The following MYO1D variants were observed in gnomAD, a reference collection of about 807,000 sequenced individuals.
MYO1D encodes unconventional myosin-Id.
In MYO1D, 83 loss-of-function variants were observed where a neutral mutation model predicts 122.0. The observed-to-expected ratio is 0.68, with a 90% confidence interval of 0.57 to 0.82. MYO1D has a LOEUF of 0.82. Ranked by LOEUF, MYO1D falls within the 40% of genes least tolerant of loss-of-function variation. The pLI is 0.00. For synonymous variants in MYO1D, 464 were observed against 446.9 expected (o/e 1.04, Z -0.48); for missense variants, 1,157 against 1,269.5 (o/e 0.91, Z 1.35).
intron 16 of MYO1D, among the ~76,000 whole-genome samples, chr17:32,691,979 C>A (rs1253025268): frequency 1.3e-5 from 2 of 152,116 alleles, no homozygotes; most frequent in East Asian, 1.9e-4. Context: ...CTTCTGTGGT[C>A]TGAGTGTCCA....
Position 32,605,191 on chromosome 17 carries a change from A to G in MYO1D, c.2760T>C (p.His920=), listed in dbSNP as rs1290574464. ...CAATGAGGTCTTTGTTGTCTTTCGT[A>G]TGGAACACTACAAGTTGGTCCTTTC... ...SNGKDQLVVF[H]TKDNKDLIVC... is the part of the protein sequence containing the mutation. Residue 920 remains histidine, a synonymous_variant, in exon 21 of 22, where the codon CAT becomes CAC. Coordinates refer to ENST00000318217, the MANE Select transcript of MYO1D (RefSeq NM_015194.3). 3.7e-6 allele frequency: 6 copies of G among 1,608,570 alleles called. No homozygotes were observed. The highest frequency in any genetic ancestry group is 2.2e-5 in the South Asian group (2 of 90,434).
rs1908939603 is a variant in MYO1D, at chr17:32,492,972, T to G, written c.*1787A>C. On this transcript the variant is annotated 3_prime_UTR_variant, in exon 22 of 22. Coordinates refer to ENST00000318217, the MANE Select transcript of MYO1D (RefSeq NM_015194.3). ...AGAACCCAAACCCAGGCCCTCCTCC[T>G]GCCCTCCAGCCTTTGACAGGCAACT... The G allele has an allele frequency of 6.5e-6, 1 of 152,690 alleles. No homozygotes were observed. Among genetic ancestry groups the G allele is most frequent in the African/African-American group, 2.4e-5 (1 of 41,472 alleles). The allele number at this position is 152,690 out of a possible 1,614,324, so 9.5% of individuals were successfully genotyped here. A position where few individuals can be genotyped will look rare whatever the true frequency, so the allele number is the denominator to read the frequency against.
rs567550723 is a variant in MYO1D at position 32,493,818 on chromosome 17, C to G, written c.*941G>C. 2.6e-5 allele frequency: 4 copies of G among 152,506 alleles called. No individual in the cohort carries two copies. Among genetic ancestry groups the G allele is most frequent in the Non-Finnish European group, 5.9e-5 (4 of 68,152 alleles). The allele number at this position is 152,506 out of a possible 1,614,324, so 9.4% of individuals were successfully genotyped here. On this transcript the variant is annotated 3_prime_UTR_variant, in exon 22 of 22. Coordinates refer to ENST00000318217, the MANE Select transcript of MYO1D (RefSeq NM_015194.3). ...CCCCGCTTCCTGCTTCCCGTCATCC[C>G]GTGTCTTGACCCCGCCCTTGCTGTT...
At chr17:32,711,204 G>A (rs1410570727) in intron 16 of MYO1D, among the ~76,000 whole-genome samples, 1 of 152,186 alleles carries the variant, frequency 6.6e-6, no homozygotes, top group Non-Finnish European at 1.5e-5. Flanking sequence ...ATGAGAAGGG[G>A]CCTTGCACAG....
At chr17:32,659,437 G>T in intron 16 of MYO1D, 99 bp from the exon 17 acceptor site, 2 of 1,245,332 alleles carry the variant, frequency 1.6e-6, no homozygotes, top group Non-Finnish European at 2.3e-6. Flanking sequence ...ACTCAACCAG[G>T]CAACTTGCAA....
chr17:32,735,719 T>C (rs1187267547), intron 14 of MYO1D, among the ~76,000 whole-genome samples: 3 of 152,172 alleles, frequency 2.0e-5, no homozygotes, highest in Non-Finnish European at 2.9e-5. Flanking sequence ...TTTATAGAAT[T>C]TACAAGAAGT....
At chr17:32,536,184 G>C (rs1398525591) in intron 21 of MYO1D, among the ~76,000 whole-genome samples, 1 of 152,024 alleles carries the variant, frequency 6.6e-6, no homozygotes, top group East Asian at 1.9e-4. Flanking sequence ...ACAGGTGCAA[G>C]CCATCACACC....
At chr17:32,508,421 G>A (rs755983219) in intron 21 of MYO1D, among the ~76,000 whole-genome samples, 31 of 151,832 alleles carry the variant, frequency 2.0e-4, no homozygotes, top group East Asian at 5.8e-4. Context: ...ATTAACAGGC[G>A]CACACCACCA....
At chr17:32,827,267 A>C (rs1046648446) in intron 1 of MYO1D, among the ~76,000 whole-genome samples, 1 of 152,234 alleles carries the variant, frequency 6.6e-6, no homozygotes, top group Non-Finnish European at 1.5e-5. Flanking sequence ...GAACATTATA[A>C]TAAGTCATAT....
intron 16 of MYO1D, among the ~76,000 whole-genome samples, chr17:32,679,027 T>C (rs1217265499): frequency 6.6e-6 from 1 of 150,626 alleles, no homozygotes; most frequent in African/African-American, 2.5e-5. Flanking sequence ...GAGCATTTTT[T>C]CATGTGTTTT....
At position 32,696,372 on chromosome 17, in the gene MYO1D, G is replaced by GA. The variant is rs375294993; in HGVS notation, c.2121+15615dup. On this transcript the variant is annotated intron_variant, in intron 16 of 21. Coordinates refer to ENST00000318217, the MANE Select transcript of MYO1D (RefSeq NM_015194.3). The stretch of plus-strand genomic sequence containing the variant: ...AATTTTAAAAACATTATTCTGAGTG[G>GA]AAAAAAAAACAACTTGCAGAAGACT... Among the ~76,000 whole-genome samples, 875 of 148,728 alleles carry GA rather than the reference G, an allele frequency of 5.9e-3. 8 individuals carry two copies. The highest frequency in any genetic ancestry group is 0.02 in the African/African-American group (821 of 40,588).
chr17:32,638,481 A>C (rs917154858), intron 20 of MYO1D, among the ~76,000 whole-genome samples: 14 of 152,392 alleles, frequency 9.2e-5, no homozygotes, highest in South Asian at 6.2e-4. Context: ...TCAGGAATAG[A>C]GAAAGATCAC....
intron 21 of MYO1D, among the ~76,000 whole-genome samples, chr17:32,545,380 G>A (rs1169563109): frequency 6.6e-6 from 1 of 152,150 alleles, no homozygotes; most frequent in African/African-American, 2.4e-5. Context: ...AGTAAACAGT[G>A]GCATATTATT....
At chr17:32,781,038 T>G (rs2090231609) in intron 1 of MYO1D, among the ~76,000 whole-genome samples, 1 of 152,212 alleles carries the variant, frequency 6.6e-6, no homozygotes, top group Non-Finnish European at 1.5e-5. Flanking sequence ...AGGCTGGGAT[T>G]TCCTGTTTCC....
At chr17:32,873,370 G>A (rs1358490262) in intron 1 of MYO1D, among the ~76,000 whole-genome samples, 2 of 152,178 alleles carry the variant, frequency 1.3e-5, no homozygotes, top group African/African-American at 4.8e-5. Flanking sequence ...ATTCCAGACT[G>A]GGGAGTAAGA....
At chr17:32,586,647 T>C (rs1054175916) in intron 21 of MYO1D, among the ~76,000 whole-genome samples, 4 of 152,354 alleles carry the variant, frequency 2.6e-5, no homozygotes, top group Admixed American at 2.6e-4. Context: ...GGTTGCTTTT[T>C]CCCTTCTAAG....
intron 21 of MYO1D, among the ~76,000 whole-genome samples, chr17:32,595,883 G>A (rs1218887639): frequency 6.6e-6 from 1 of 152,156 alleles, no homozygotes; most frequent in African/African-American, 2.4e-5. Context: ...GTGGGACAGG[G>A]TGAATTGCTA....
intron 1 of MYO1D, among the ~76,000 whole-genome samples, chr17:32,859,542 G>A (rs1319443965): frequency 1.3e-5 from 2 of 152,148 alleles, no homozygotes; most frequent in Admixed American, 1.3e-4. Context: ...TCTTCAGGAG[G>A]AAGAGAAGAA....
At chr17:32,856,990 C>T (rs2091032408) in intron 1 of MYO1D, among the ~76,000 whole-genome samples, 1 of 152,182 alleles carries the variant, frequency 6.6e-6, no homozygotes, top group African/African-American at 2.4e-5. Flanking sequence ...GCAGGGGTAG[C>T]AGAAATGTCA....
Sources: allele counts gnomAD v4.1 joint callset (sites outside exome capture counted in the v4.1 genomes callset), GRCh38; gene constraint gnomAD v4.1.1; transcripts MANE v1.5; gene names NCBI Gene and HGNC (gene_info 2026-07-23, HGNC 2026-07-21).